Variants in TMEM204 observed in about 807,000 individuals in gnomAD.
TMEM204 encodes the protein claudin-like protein 24.
In TMEM204, 15 loss-of-function variants were observed where a neutral mutation model predicts 19.4. The observed-to-expected ratio is 0.77, with a 90% confidence interval of 0.52 to 1.19. The LOEUF is 1.19. Ranked by LOEUF, TMEM204 falls within the 50% of genes most tolerant of loss-of-function variation. The pLI is 0.00. For missense variants in TMEM204, 287 were observed against 321.2 expected, an observed-to-expected ratio of 0.89 and a Z score of 0.81; for synonymous variants, 161 against 146.0, an observed-to-expected ratio of 1.10 and a Z score of -0.74.
intron 2 of TMEM204, among the ~76,000 whole-genome samples, chr16:1,542,580 T>C (rs564241562): frequency 6.6e-6 from 1 of 152,338 alleles, no homozygotes; most frequent in South Asian, 2.1e-4. Flanking sequence ...AAACGCAGCT[T>C]CCTAGGACCT....
At chr16:1,546,891 CTG>C in intron 2 of TMEM204, among the ~76,000 whole-genome samples, 1 of 152,356 alleles carries the variant, frequency 6.6e-6, no homozygotes, top group South Asian at 2.1e-4. Context: ...GGCAGCTGTG[CTG>C]TCTTACTTGG....
At chr16:1,548,198 AG>A (rs2032332179) in intron 2 of TMEM204, among the ~76,000 whole-genome samples, 2 of 152,058 alleles carry the variant, frequency 1.3e-5, no homozygotes, top group African/African-American at 4.8e-5. Flanking sequence ...TGAGGTGGCC[AG>A]GGGGCCGTCT....
At chr16:1,534,687 C>G in intron 1 of TMEM204, 132 bp downstream of exon 1, 1 of 1,345,632 alleles carries the variant, frequency 7.4e-7, no homozygotes, top group Non-Finnish European at 1.0e-6. Flanking sequence ...GGCCTCTGGG[C>G]AGGCAGGAGG....
intron 1 of TMEM204, among the ~76,000 whole-genome samples, chr16:1,538,967 C>A (rs1268241046): frequency 1.3e-5 from 2 of 152,156 alleles, no homozygotes; most frequent in East Asian, 3.8e-4. Flanking sequence ...GGCAAAAGCG[C>A]CCCCTACCTC....
chr16:1,548,072 G>C (rs1467586490), intron 2 of TMEM204, among the ~76,000 whole-genome samples: 1 of 152,176 alleles, frequency 6.6e-6, no homozygotes, highest in Admixed American at 6.5e-5. Context: ...TTTGGCTGTT[G>C]AGAGCTTCGG....
At chr16:1,541,880 C>G in intron 1 of TMEM204, 41 bp from the exon 2 acceptor site, 1 of 1,514,680 alleles carries the variant, frequency 6.6e-7, no homozygotes, top group Non-Finnish European at 8.9e-7. Flanking sequence ...CCTCTGGAGC[C>G]CACCTGCACT....
Position 1,553,899 on chromosome 16 carries a change from T to A in TMEM204, c.437-883T>A. ...AGTCACGAAACCCTGATTTTCCTGT[T>A]GTAAGAACTAAAAAGGTCTTTGGAG... On this transcript the variant is annotated intron_variant, in intron 2 of 2. Transcript: ENST00000566264. The surrounding 1 kb of genome is among the most constrained non-coding windows in gnomAD (Gnocchi z 4.4). 7.9e-7 allele frequency: 1 copy of A among 1,271,472 alleles called. No homozygotes were observed. Among genetic ancestry groups the A allele is most frequent in the Non-Finnish European group, 1.0e-6 (1 of 978,406 alleles). 78.8% of individuals were successfully genotyped at this position (1,271,472 alleles called of 1,614,324 possible).
At chr16:1,550,140 A>G (rs538492949) in intron 2 of TMEM204, among the ~76,000 whole-genome samples, 21 of 152,062 alleles carry the variant, frequency 1.4e-4, no homozygotes, top group Non-Finnish European at 2.4e-4. Flanking sequence ...GGGTTTCACT[A>G]TGTTGCCCAG....
At chr16:1,549,418 T>A (rs2032451632) in intron 2 of TMEM204, among the ~76,000 whole-genome samples, 1 of 152,160 alleles carries the variant, frequency 6.6e-6, no homozygotes, top group African/African-American at 2.4e-5. Flanking sequence ...GCACCCCAGG[T>A]GCTTTTCTTT....
chr16:1,550,092 C>T (rs1224024606), intron 2 of TMEM204, among the ~76,000 whole-genome samples: 1 of 152,140 alleles, frequency 6.6e-6, no homozygotes, highest in Non-Finnish European at 1.5e-5. Context: ...TGTGCACCAC[C>T]ACGCCCAGCT....
At chr16:1,547,508 T>C (rs149484796) in intron 2 of TMEM204, among the ~76,000 whole-genome samples, 1 of 152,314 alleles carries the variant, frequency 6.6e-6, no homozygotes, top group Non-Finnish European at 1.5e-5. Flanking sequence ...TTTTTTGTTA[T>C]TTACAATAAC....
rs1163726981 is a variant in TMEM204 at position 1,546,691 on chromosome 16, T to C, written c.436+4615T>C. Among the ~76,000 whole-genome samples the C allele has an allele frequency of 3.9e-5, 6 of 152,120 alleles. No homozygotes were observed. In the East Asian group the frequency reaches 1.2e-3, roughly 29 times the overall value. ...TGGCAAGAACACTGCCAGGATCCGT[T>C]CATGGAGCAGGGCCCTCCCGCCCGC... On this transcript the variant is annotated intron_variant, in intron 2 of 2. Transcript: ENST00000566264.
At chr16:1,535,615 C>A (rs1172922570) in intron 1 of TMEM204, among the ~76,000 whole-genome samples, 1 of 152,172 alleles carries the variant, frequency 6.6e-6, no homozygotes, top group Non-Finnish European at 1.5e-5. Flanking sequence ...CAGCTCCATC[C>A]CCAACCTGCC....
chr16:1,543,715 A>C (rs112598453), intron 2 of TMEM204, among the ~76,000 whole-genome samples: 2 of 152,224 alleles, frequency 1.3e-5, no homozygotes, highest in Non-Finnish European at 2.9e-5. Flanking sequence ...GCATGACTGC[A>C]GGGAAAACAT....
intron 2 of TMEM204, among the ~76,000 whole-genome samples, chr16:1,544,812 C>G (rs2032016830): frequency 2.1e-5 from 3 of 143,652 alleles, no homozygotes; most frequent in Non-Finnish European, 1.5e-5. Flanking sequence ...CCACGCCTGG[C>G]TAATTTTTTG....
intron 2 of TMEM204, among the ~76,000 whole-genome samples, chr16:1,543,017 C>G (rs1049025147): frequency 6.6e-6 from 1 of 152,264 alleles, no homozygotes; most frequent in Admixed American, 6.5e-5. Context: ...CCAGGGGGCT[C>G]TGCTGGTCTT....
intron 1 of TMEM204, among the ~76,000 whole-genome samples, chr16:1,537,486 G>A (rs2031192994): frequency 6.6e-6 from 1 of 152,260 alleles, no homozygotes; most frequent in Admixed American, 6.5e-5. Context: ...CCAGGGCAGA[G>A]GAGCCCGGTC....
chr16:1,530,383 G>A (rs965931902), upstream of TMEM204, among the ~76,000 whole-genome samples: 2 of 151,830 alleles, frequency 1.3e-5, no homozygotes, highest in African/African-American at 2.4e-5. Context: ...TGCTCGCCTC[G>A]GTCTCCCAAA....
intron 1 of TMEM204, chr16:1,541,332 GC>G (rs1452904884): frequency 4.5e-5 from 44 of 985,268 alleles, no homozygotes; most frequent in Non-Finnish European, 4.9e-5. Context: ...CCCCTGCTCA[GC>G]CCCTTGCTGG....
Sources: allele counts gnomAD v4.1 joint callset (sites outside exome capture counted in the v4.1 genomes callset), GRCh38; gene constraint gnomAD v4.1.1; non-coding constraint Gnocchi (gnomAD v3.1); transcripts MANE v1.5; gene names NCBI Gene and HGNC (gene_info 2026-07-23, HGNC 2026-07-21).